The following LSAMP variants were observed in gnomAD, a reference collection of about 807,000 sequenced individuals.
LSAMP encodes limbic system associated membrane protein.
LSAMP carries 7 observed loss-of-function variants against 38.6 expected under a neutral mutation model. The ratio of observed to expected loss-of-function variants is 0.18; its 90% CI spans 0.10 to 0.34. LSAMP has a LOEUF of 0.34. Among genes scored for constraint, LSAMP ranks in the 10% least tolerant of loss-of-function variants. LSAMP has a pLI of 1.00. For synonymous variants in LSAMP, 154 were observed against 166.8 expected (o/e 0.92, Z 0.59); for missense variants, 313 against 420.0 (o/e 0.75, Z 2.23).
At chr3:116,435,841 G>A (rs904687145) in intron 1 of LSAMP, among the ~76,000 whole-genome samples, 1 of 152,206 alleles carries the variant, frequency 6.6e-6, no homozygotes, top group Non-Finnish European at 1.5e-5. Flanking sequence ...GAGAGGGACA[G>A]TGGTAGGAAA....
At chr3:116,075,087 C>T (rs1707707337) in intron 2 of LSAMP, among the ~76,000 whole-genome samples, 2 of 149,214 alleles carry the variant, frequency 1.3e-5, no homozygotes. Context: ...ATCTGCCCAT[C>T]TTGGCCTCTC....
chr3:116,298,573 T>G (rs538760452), intron 1 of LSAMP, among the ~76,000 whole-genome samples: 7 of 152,340 alleles, frequency 4.6e-5, no homozygotes, highest in South Asian at 2.1e-4. Context: ...CTCTTATCAA[T>G]CTATAAAGAT....
chr3:116,042,436 T>C (rs1941196095), intron 2 of LSAMP, among the ~76,000 whole-genome samples: 1 of 151,368 alleles, frequency 6.6e-6, no homozygotes, highest in Non-Finnish European at 1.5e-5. Flanking sequence ...CATTTCTTTT[T>C]TTTTTTTTTT....
chr3:115,871,582 AGTGT>A (rs59830926), intron 3 of LSAMP, among the ~76,000 whole-genome samples: 20,642 of 144,864 alleles, frequency 0.14, 1,806 homozygotes, highest in African/African-American at 0.26. Context: ...ACCAACGTGT[AGTGT>A]GTGTGTGTGT....
chr3:116,415,314 C>A (rs2049035324), intron 1 of LSAMP, among the ~76,000 whole-genome samples: 2 of 151,790 alleles, frequency 1.3e-5, no homozygotes, highest in African/African-American at 4.8e-5. Flanking sequence ...TAGACTTGTT[C>A]AAAAAAATGG....
intron 1 of LSAMP, among the ~76,000 whole-genome samples, chr3:116,222,880 C>T (rs923294678): frequency 1.3e-5 from 2 of 151,296 alleles, no homozygotes; most frequent in South Asian, 2.1e-4. Context: ...GGACTACAGG[C>T]GCCCGCCACC....
intron 1 of LSAMP, among the ~76,000 whole-genome samples, chr3:116,248,797 G>A (rs977237851): frequency 6.6e-6 from 1 of 152,052 alleles, no homozygotes; most frequent in Non-Finnish European, 1.5e-5. Flanking sequence ...ACCCATGTCT[G>A]TGTAGACTGA....
chr3:115,910,440 A>G (rs1396897079), intron 3 of LSAMP, among the ~76,000 whole-genome samples: 1 of 151,898 alleles, frequency 6.6e-6, no homozygotes, highest in Non-Finnish European at 1.5e-5. Context: ...TAACTACTCT[A>G]CCCCCATTTG....
At chr3:116,213,450 C>G (rs552271085) in intron 1 of LSAMP, among the ~76,000 whole-genome samples, 115 of 152,282 alleles carry the variant, frequency 7.6e-4, no homozygotes, top group Non-Finnish European at 1.5e-3. Flanking sequence ...TGAGGCCTCT[C>G]CAGCCATGTG....
chr3:116,164,758 A>ATTTTT (rs1476841112), intron 1 of LSAMP, among the ~76,000 whole-genome samples: 2 of 55,244 alleles, frequency 3.6e-5, no homozygotes, highest in Non-Finnish European at 8.0e-5. Context: ...ATATATATAT[A>ATTTTT]TATTTTTTTT....
At chr3:116,221,844 A>AGCGT (rs1553714882) in intron 1 of LSAMP, among the ~76,000 whole-genome samples, 19 of 145,480 alleles carry the variant, frequency 1.3e-4, no homozygotes, top group South Asian at 1.1e-3. Flanking sequence ...CCTAAAAAGA[A>AGCGT]GTGTGTGTGT....
intron 3 of LSAMP, among the ~76,000 whole-genome samples, chr3:115,898,345 G>A (rs1255847023): frequency 6.6e-6 from 1 of 151,988 alleles, no homozygotes; most frequent in Non-Finnish European, 1.5e-5. Flanking sequence ...AAATTTATTT[G>A]ACTATAGAAC....
At chr3:116,253,734 A>G (rs950514608) in intron 1 of LSAMP, among the ~76,000 whole-genome samples, 31 of 152,200 alleles carry the variant, frequency 2.0e-4, no homozygotes, top group Admixed American at 1.4e-3. Context: ...GGAAGAAAGT[A>G]AATAAATAAA....
chr3:116,419,352 CAAG>C (rs1210923857), intron 1 of LSAMP, among the ~76,000 whole-genome samples: 1 of 152,140 alleles, frequency 6.6e-6, no homozygotes, highest in Non-Finnish European at 1.5e-5. Flanking sequence ...AATGTGTACT[CAAG>C]AAATCATTTA....
chr3:116,337,943 C>T (rs1452978992), intron 1 of LSAMP, among the ~76,000 whole-genome samples: 1 of 151,968 alleles, frequency 6.6e-6, no homozygotes, highest in Non-Finnish European at 1.5e-5. Flanking sequence ...AAGAATTACA[C>T]TTTAAAGAAA....
chr3:116,208,629 C>G (rs994448654), intron 1 of LSAMP, among the ~76,000 whole-genome samples: 1 of 152,162 alleles, frequency 6.6e-6, no homozygotes, highest in African/African-American at 2.4e-5. Flanking sequence ...GGACAGGACC[C>G]TCAGCTGCAG....
chr3:116,409,292 A>G (rs2048940766), intron 1 of LSAMP, among the ~76,000 whole-genome samples: 1 of 152,060 alleles, frequency 6.6e-6, no homozygotes, highest in Admixed American at 6.6e-5. Context: ...GGATGACTTC[A>G]GTCATCTTCC....
intron 3 of LSAMP, among the ~76,000 whole-genome samples, chr3:115,914,825 C>T (rs935656868): frequency 3.3e-5 from 5 of 152,180 alleles, no homozygotes; most frequent in African/African-American, 1.2e-4. Flanking sequence ...CTCAAGCACA[C>T]AGATTTTAGA....
intron 3 of LSAMP, among the ~76,000 whole-genome samples, chr3:115,858,758 A>C (rs1935585899): frequency 1.3e-5 from 2 of 152,200 alleles, no homozygotes; most frequent in Admixed American, 1.3e-4. Context: ...CTGTGATTGG[A>C]AATGTGAGTG....
Sources: allele counts gnomAD v4.1 joint callset (sites outside exome capture counted in the v4.1 genomes callset), GRCh38; gene constraint gnomAD v4.1.1; transcripts MANE v1.5; gene names NCBI Gene and HGNC (gene_info 2026-07-23, HGNC 2026-07-21).